SLC9A1: variants seen among roughly 807,000 people sequenced by gnomAD.
SLC9A1 encodes solute carrier family 9 member A1.
A neutral mutation model predicts 67.9 loss-of-function variants in SLC9A1; 22 were observed. The observed-to-expected ratio is 0.32, with a 90% CI of 0.23 to 0.46. The LOEUF (loss-of-function observed/expected upper bound fraction) is 0.46, where lower values mean the gene tolerates loss of function less well. Among genes scored for constraint, SLC9A1 ranks in the 20% least tolerant of loss-of-function variants. SLC9A1 has a pLI of 1.00. For missense variants in SLC9A1, 686 were observed against 1,094.8 expected, an observed-to-expected ratio of 0.63 and a Z score of 5.27; for synonymous variants, 421 against 471.8, an observed-to-expected ratio of 0.89 and a Z score of 1.40.
intron 1 of SLC9A1, among the ~76,000 whole-genome samples, chr1:27,122,329 T>C (rs1210431404): frequency 6.6e-6 from 1 of 152,072 alleles, no homozygotes; most frequent in African/African-American, 2.4e-5. Context: ...AAGGGAATGA[T>C]GAACACTTCC....
chr1:27,125,116 C>A (rs760120368), intron 1 of SLC9A1, among the ~76,000 whole-genome samples: 20 of 152,152 alleles, frequency 1.3e-4, no homozygotes, highest in East Asian at 9.7e-4. Flanking sequence ...CATGAACAGA[C>A]CCTGACACTT....
chr1:27,101,701 T>C lies in SLC9A1; in HGVS notation c.2037+24A>G, dbSNP rs763083481. ...TTGGGCGAGTGGGGTGGGATACAGA[T>C]TCCCAGAGGAAGGCAGAGGCTACCT... On this transcript the variant is annotated intron_variant, in intron 10 of 11. Coordinates refer to ENST00000263980, the MANE Select transcript of SLC9A1 (RefSeq NM_003047.5). This position sits in a 1 kb window ranked among gnomAD's most constrained non-coding sequence, Gnocchi z 4.9. 4 of 1,533,446 alleles carry C rather than the reference T, an allele frequency of 2.6e-6. No individual in the cohort carries two copies. The highest frequency in any genetic ancestry group is 3.6e-6 in the Non-Finnish European group (4 of 1,111,250). The allele number at this position is 1,533,446 out of a possible 1,614,324, so 95.0% of individuals were successfully genotyped here.
intron 3 of SLC9A1, 74 bp from the exon 4 acceptor site, chr1:27,107,939 A>G: frequency 8.8e-7 from 1 of 1,134,898 alleles, no homozygotes; most frequent in South Asian, 1.3e-5. Flanking sequence ...TGCCAGGGGC[A>G]ATGGGGCCAC....
chr1:27,101,897 C>T lies in SLC9A1; in HGVS notation c.1936-71G>A. On this transcript the variant is annotated intron_variant, in intron 9 of 11. Coordinates refer to ENST00000263980, the MANE Select transcript of SLC9A1 (RefSeq NM_003047.5). This position sits in a 1 kb window ranked among gnomAD's most constrained non-coding sequence, Gnocchi z 4.9. ...TGCTCATGGAGGGGTGGGGGCAGTG[C>T]TGGAGGCCGGGCCAGTCCTGGGGTG... is the stretch of plus-strand genomic sequence containing the variant. The T allele has an allele frequency of 2.1e-6, 3 of 1,448,990 alleles. No individual in the cohort carries two copies. The highest frequency in any genetic ancestry group is 2.9e-6 in the Non-Finnish European group (3 of 1,035,170). The allele number at this position is 1,448,990 out of a possible 1,614,324, so 89.8% of individuals were successfully genotyped here.
rs1308640353 is a variant in SLC9A1 at position 27,155,087 on chromosome 1, C to T, written c.-753G>A. ...GCTGCAGCTCCTCCTGGTCCAGCTCCAGAACTAACCCTAGCCCCGGCCCCG... is the reference window on the plus strand; with the variant it reads ...GCTGCAGCTCCTCCTGGTCCAGCTCTAGAACTAACCCTAGCCCCGGCCCCG... On this transcript the variant is annotated 5_prime_UTR_variant, in exon 1 of 12. Coordinates refer to ENST00000263980, the MANE Select transcript of SLC9A1 (RefSeq NM_003047.5). This position sits in a 1 kb window ranked among gnomAD's most constrained non-coding sequence, Gnocchi z 4.5. 1.3e-5 allele frequency among the ~76,000 whole-genome samples: 2 copies of T among 152,026 alleles called. No individual in the cohort carries two copies. Among genetic ancestry groups the T allele is most frequent in the Admixed American group, 1.3e-4 (2 of 15,264 alleles).
chr1:27,110,025 G>A (rs1241098967), intron 2 of SLC9A1, among the ~76,000 whole-genome samples: 4 of 152,228 alleles, frequency 2.6e-5, no homozygotes, highest in Non-Finnish European at 4.4e-5. Context: ...TGAAGACCCT[G>A]AAGCCAAACT....
Position 27,101,387 on chromosome 1 carries a change from C to T in SLC9A1, c.2038-112G>A. The T allele has an allele frequency of 1.2e-6, 1 of 813,092 alleles. No individual in the cohort carries two copies. Among genetic ancestry groups the T allele is most frequent in the Non-Finnish European group, 2.0e-6 (1 of 496,292 alleles). The allele number at this position is 813,092 out of a possible 1,614,324, so 50.4% of individuals were successfully genotyped here. ...TTTCGTATATGCAGGGCGCTTGCTC[C>T]CCCTCCCTTGTGCCTGTGTGGGCAC... is the stretch of plus-strand genomic sequence containing the variant. On this transcript the variant is annotated intron_variant, in intron 10 of 11. Transcript: ENST00000263980. The surrounding 1 kb of genome is among the most constrained non-coding windows in gnomAD (Gnocchi z 4.9).
At chr1:27,142,041 C>G (rs1004584123) in intron 1 of SLC9A1, among the ~76,000 whole-genome samples, 1 of 152,124 alleles carries the variant, frequency 6.6e-6, no homozygotes, top group African/African-American at 2.4e-5. Context: ...CCTGTAAGGA[C>G]CAGTGTAAGG....
At chr1:27,121,494 G>A (rs997032281) in intron 1 of SLC9A1, among the ~76,000 whole-genome samples, 2 of 152,194 alleles carry the variant, frequency 1.3e-5, no homozygotes, top group East Asian at 1.9e-4. Context: ...GCACTGAAAC[G>A]ACTGAGAAAA....
intron 1 of SLC9A1, among the ~76,000 whole-genome samples, chr1:27,135,525 GAAA>G (rs36107223): frequency 0.021 from 2,277 of 110,000 alleles, 65 homozygotes; most frequent in African/African-American, 0.071. Flanking sequence ...CTTTTTTCTG[GAAA>G]AAAAAAAAAA....
intron 1 of SLC9A1, among the ~76,000 whole-genome samples, chr1:27,145,180 C>A (rs2083477472): frequency 6.6e-6 from 1 of 152,090 alleles, no homozygotes; most frequent in South Asian, 2.1e-4. Flanking sequence ...TAATTCCTTT[C>A]CATCCTTCAA....
At position 27,106,037 on chromosome 1, in the gene SLC9A1, T is replaced by C; in HGVS notation, c.1333A>G (p.Thr445Ala). 1 of 1,613,330 alleles carries C rather than the reference T, an allele frequency of 6.2e-7. No homozygotes were observed. Among genetic ancestry groups the C allele is most frequent in the Non-Finnish European group, 8.5e-7 (1 of 1,179,914 alleles). ...GCGATGATGAACTGGTCCTTGGGGG[T>C]CAGCTTCACGATACGGAACTTGTTG... ...FINKFRIVKL[T>A]PKDQFIIAYG... The change falls in exon 5 of 12, where the codon ACC (threonine) becomes GCC (alanine). Residue 445 changes from threonine (T) to alanine (A), a missense_variant. Thr to Ala is a moderately conservative substitution (Grantham distance 58, BLOSUM62 0). Coordinates refer to ENST00000263980, the MANE Select transcript of SLC9A1 (RefSeq NM_003047.5). The surrounding 1 kb of genome is among the most constrained non-coding windows in gnomAD (Gnocchi z 4.3).
chr1:27,145,859 G>A (rs2083481898), intron 1 of SLC9A1, among the ~76,000 whole-genome samples: 1 of 152,130 alleles, frequency 6.6e-6, no homozygotes, highest in Non-Finnish European at 1.5e-5. Context: ...GCTTTAGGGG[G>A]AAGAAAATGA....
rs2083187580 is a variant in SLC9A1, at chr1:27,106,744, T to C, written c.1283-657A>G. Among the ~76,000 whole-genome samples the C allele has an allele frequency of 6.6e-6, 1 of 151,948 alleles. No homozygotes were observed. The highest frequency in any genetic ancestry group is 2.4e-5 in the African/African-American group (1 of 41,330). On this transcript the variant is annotated intron_variant, in intron 4 of 11. Transcript: ENST00000263980. This position sits in a 1 kb window ranked among gnomAD's most constrained non-coding sequence, Gnocchi z 4.3. ...CCCACGTGTGCCCCGGCCTGCTGCA[T>C]AGGTTTGGAGGACTGCACGTGGCTC...
In SLC9A1 at chr1:27,103,203, C is replaced by T; in HGVS notation, c.1575+20G>A. 2 of 1,584,290 alleles carry T rather than the reference C, an allele frequency of 1.3e-6. No homozygotes were observed. The highest frequency in any genetic ancestry group is 1.7e-6 in the Non-Finnish European group (2 of 1,152,838). The stretch of plus-strand genomic sequence containing the variant: ...CTGTTCCTCCTTCTGCAACCAAGGG[C>T]CCAGCCCGCACTCCAGTACCTGTGT... On this transcript the variant is annotated intron_variant, in intron 6 of 11. Transcript: ENST00000263980.
chr1:27,123,935 T>A (rs2083323288), intron 1 of SLC9A1, among the ~76,000 whole-genome samples: 1 of 152,128 alleles, frequency 6.6e-6, no homozygotes, highest in African/African-American at 2.4e-5. Flanking sequence ...CAAGCGATTC[T>A]CCTGCCTCAG....
At chr1:27,141,747 C>T (rs767185134) in intron 1 of SLC9A1, among the ~76,000 whole-genome samples, 47 of 152,192 alleles carry the variant, frequency 3.1e-4, no homozygotes, top group Admixed American at 5.9e-4. Flanking sequence ...GCTCCCCTCC[C>T]CCATCTTGCT....
chr1:27,114,859 G>A lies in SLC9A1; in HGVS notation c.353-573C>T, dbSNP rs538793728. 3.4e-4 allele frequency among the ~76,000 whole-genome samples: 52 copies of A among 152,274 alleles called. No individual in the cohort carries two copies. Among genetic ancestry groups the A allele is most frequent in the African/African-American group, 1.2e-3 (48 of 41,556 alleles). ...CACAGAAGAATCTAAGAATACCAGC[G>A]TGGGAAGGAACTTGGGGATAATAAG... On this transcript the variant is annotated intron_variant, in intron 1 of 11. Coordinates refer to ENST00000263980, the MANE Select transcript of SLC9A1 (RefSeq NM_003047.5). The surrounding 1 kb of genome is among the most constrained non-coding windows in gnomAD (Gnocchi z 5.4).
Position 27,109,743 on chromosome 1 carries a change from T to C in SLC9A1, c.848A>G (p.Tyr283Cys). Residue 283 changes from tyrosine to cysteine, a missense_variant, in exon 3 of 12, where the codon TAC becomes TGC. Physicochemically the swap from Tyr to Cys is radical, Grantham distance 194. Around this residue, in one of 7 missense-constraint regions of SLC9A1, gnomAD observed 58 missense variants for 68.9 expected, o/e 0.84. Coordinates refer to ENST00000263980, the MANE Select transcript of SLC9A1 (RefSeq NM_003047.5). This position sits in a 1 kb window ranked among gnomAD's most constrained non-coding sequence, Gnocchi z 5.5. ...LYHLFEEFANYEHVGIVDIFL... is the reference protein window; with the variant it reads ...LYHLFEEFANCEHVGIVDIFL... ...GATGTCCACGATGCCCACGTGTTCGTAGTTGGCAAACTCCTCAAAGAGGTG... is the reference window on the plus strand; with the variant it reads ...GATGTCCACGATGCCCACGTGTTCGCAGTTGGCAAACTCCTCAAAGAGGTG... 6.2e-7 allele frequency: 1 copy of C among 1,614,058 alleles called. No individual in the cohort carries two copies. Among genetic ancestry groups the C allele is most frequent in the Non-Finnish European group, 8.5e-7 (1 of 1,180,016 alleles).
Sources: gnomAD v4.1 joint callset for allele counts (sites outside exome capture counted in the v4.1 genomes callset) on GRCh38, gnomAD v4.1.1 for gene constraint, gnomAD v4.1.1 regional missense constraint, Gnocchi (gnomAD v3.1) non-coding constraint, MANE v1.5 for transcripts, NCBI Gene and HGNC (gene_info 2026-07-23, HGNC 2026-07-21) for gene names.